The following MACROD2 variants were observed in gnomAD, a reference collection of about 807,000 sequenced individuals.
MACROD2 encodes ADP-ribose glycohydrolase MACROD2.
Under a neutral mutation model 70.4 loss-of-function variants are expected in MACROD2, and 36 were observed. That is an observed-to-expected ratio of 0.51 (90% CI 0.39 to 0.68). The LOEUF is 0.68. Among genes scored for constraint, MACROD2 ranks in the 30% least tolerant of loss-of-function variants. The pLI is 0.00. For missense variants in MACROD2, 496 were observed against 538.4 expected, an observed-to-expected ratio of 0.92 and a Z score of 0.78; for synonymous variants, 172 against 178.8, an observed-to-expected ratio of 0.96 and a Z score of 0.30.
intron 2 of MACROD2, among the ~76,000 whole-genome samples, chr20:14,028,641 C>T (rs914169634): frequency 1.3e-5 from 2 of 152,110 alleles, no homozygotes; most frequent in Admixed American, 1.3e-4. Flanking sequence ...TTCCTCATGG[C>T]ACAGTCCCTC....
intron 2 of MACROD2, among the ~76,000 whole-genome samples, chr20:14,013,769 G>A (rs1378047692): frequency 1.6e-5 from 2 of 123,882 alleles, no homozygotes; most frequent in Non-Finnish European, 3.2e-5. Flanking sequence ...TGCAACCTCC[G>A]CCTCCTGGGT....
chr20:15,588,862 G>T (rs1212533294), intron 8 of MACROD2, among the ~76,000 whole-genome samples: 1 of 152,064 alleles, frequency 6.6e-6, no homozygotes, highest in African/African-American at 2.4e-5. Context: ...CCACATTTTT[G>T]TGTCTTCTTC....
At chr20:15,658,228 T>C (rs867408404) in intron 8 of MACROD2, among the ~76,000 whole-genome samples, 2,619 of 145,656 alleles carry the variant, frequency 0.018, 83 homozygotes, top group African/African-American at 0.063. Context: ...TCTCTCTCTT[T>C]TTTTTTTTTT....
Position 14,668,385 on chromosome 20 carries a change from C to T in MACROD2, c.302-16458C>T, listed in dbSNP as rs77860296. Among the ~76,000 whole-genome samples, 1,504 of 152,176 alleles carry T rather than the reference C, an allele frequency of 9.9e-3. 19 individuals are homozygous for T. The highest frequency in any genetic ancestry group is 0.034 in the African/African-American group (1,409 of 41,514). On this transcript the variant is annotated intron_variant, in intron 4 of 17. Coordinates refer to ENST00000684519, the MANE Select transcript of MACROD2 (RefSeq NM_001351661.2). ...AAAACTGGATAATTCGCTCCATTTA[C>T]TTCTGTAAATGTATTTTTCTTTGGT...
chr20:14,187,084 C>T (rs1039532971), intron 3 of MACROD2, among the ~76,000 whole-genome samples: 6 of 146,610 alleles, frequency 4.1e-5, no homozygotes, highest in African/African-American at 1.0e-4. Context: ...CAAACCTGCG[C>T]GTGTACCCCG....
chr20:15,685,947 T>A (rs1485784770), intron 8 of MACROD2, among the ~76,000 whole-genome samples: 2 of 152,190 alleles, frequency 1.3e-5, no homozygotes, highest in African/African-American at 4.8e-5. Flanking sequence ...AGAGTATGTG[T>A]GTTATTTACC....
At chr20:14,336,877 A>T (rs1160279362) in intron 3 of MACROD2, among the ~76,000 whole-genome samples, 2 of 152,212 alleles carry the variant, frequency 1.3e-5, no homozygotes, top group Non-Finnish European at 2.9e-5. Context: ...TTTAAAATCT[A>T]GGTGTAGCTG....
intron 5 of MACROD2, among the ~76,000 whole-genome samples, chr20:15,146,326 T>C (rs1157917851): frequency 1.3e-5 from 2 of 152,152 alleles, no homozygotes; most frequent in African/African-American, 4.8e-5. Flanking sequence ...CTGTGTTGAG[T>C]GTTCTGATCC....
chr20:14,956,673 G>T (rs113648155), intron 5 of MACROD2, among the ~76,000 whole-genome samples: 33 of 152,230 alleles, frequency 2.2e-4, no homozygotes, highest in African/African-American at 7.7e-4. Flanking sequence ...CAGACAAAGG[G>T]CTAGGCTTTT....
intron 8 of MACROD2, among the ~76,000 whole-genome samples, chr20:15,792,267 G>A (rs2063631028): frequency 6.6e-6 from 1 of 151,904 alleles, no homozygotes; most frequent in Admixed American, 6.6e-5. Context: ...GACAGTTTGA[G>A]GAAAAACATG....
chr20:14,408,675 G>A (rs903282595), intron 3 of MACROD2, among the ~76,000 whole-genome samples: 10 of 152,054 alleles, frequency 6.6e-5, no homozygotes, highest in African/African-American at 1.9e-4. Flanking sequence ...TAAGCATTTG[G>A]GCATCTATAT....
intron 7 of MACROD2, among the ~76,000 whole-genome samples, chr20:15,492,742 C>T (rs1046263564): frequency 2.0e-5 from 3 of 152,024 alleles, no homozygotes; most frequent in Middle Eastern, 3.2e-3. Context: ...AGGGTGTGCA[C>T]GTGAATAAAA....
Position 14,520,179 on chromosome 20 carries a change from A to G in MACROD2, c.301+26671A>G, listed in dbSNP as rs181008195. On this transcript the variant is annotated intron_variant, in intron 4 of 17. Coordinates refer to ENST00000684519, the MANE Select transcript of MACROD2 (RefSeq NM_001351661.2). ...AACCCTGTGACATGAGTTTACATGT[A>G]TAGCAAACCTGCACGTGTACCCCTA... Among the ~76,000 whole-genome samples, 247 of 152,304 alleles carry G rather than the reference A, an allele frequency of 1.6e-3. 1 individual carries two copies. Among genetic ancestry groups the G allele is most frequent in the African/African-American group, 5.9e-3 (244 of 41,572 alleles).
chr20:15,644,924 G>C (rs6079916), intron 8 of MACROD2, among the ~76,000 whole-genome samples: 2 of 152,098 alleles, frequency 1.3e-5, no homozygotes, highest in African/African-American at 2.4e-5. Context: ...CCCTGACCTA[G>C]GTGATCCACC....
intron 15 of MACROD2, among the ~76,000 whole-genome samples, chr20:16,034,109 C>T (rs961724016): frequency 1.3e-5 from 2 of 152,042 alleles, no homozygotes; most frequent in African/African-American, 4.8e-5. Context: ...CTGGACATTA[C>T]TACAGCTATG....
chr20:14,703,602 C>T (rs531927063), intron 5 of MACROD2, among the ~76,000 whole-genome samples: 17 of 152,292 alleles, frequency 1.1e-4, no homozygotes, highest in African/African-American at 3.4e-4. Context: ...GTAATCCTAG[C>T]GACTAGGGAG....
chr20:14,979,851 G>GAATGGA (rs2074781191), intron 5 of MACROD2, among the ~76,000 whole-genome samples: 1 of 152,136 alleles, frequency 6.6e-6, no homozygotes, highest in African/African-American at 2.4e-5. Context: ...TTTTGCCTTT[G>GAATGGA]TCACTAAATT....
intron 8 of MACROD2, among the ~76,000 whole-genome samples, chr20:15,849,160 G>A (rs1279287062): frequency 6.6e-6 from 1 of 152,110 alleles, no homozygotes; most frequent in African/African-American, 2.4e-5. Flanking sequence ...CACACACACA[G>A]CACTGTTGCC....
At chr20:15,573,667 C>G (rs2048405605) in intron 8 of MACROD2, among the ~76,000 whole-genome samples, 1 of 152,198 alleles carries the variant, frequency 6.6e-6, no homozygotes, top group African/African-American at 2.4e-5. Flanking sequence ...AGCCATACTC[C>G]TACCCTTTGG....
Sources: allele counts gnomAD v4.1 joint callset (sites outside exome capture counted in the v4.1 genomes callset), GRCh38; gene constraint gnomAD v4.1.1; transcripts MANE v1.5; gene names NCBI Gene and HGNC (gene_info 2026-07-23, HGNC 2026-07-21).